The following MYO3B variants were observed in gnomAD, a reference collection of about 807,000 sequenced individuals.
The protein encoded by MYO3B is myosin IIIB.
Under a neutral mutation model 174.6 loss-of-function variants are expected in MYO3B, and 156 were observed. That is an observed-to-expected ratio of 0.89 (90% CI 0.78 to 1.02). MYO3B has a LOEUF of 1.02. MYO3B is among the 50% of genes least tolerant of loss of function. The pLI is 0.00. For missense variants in MYO3B, 1,632 were observed against 1,639.4 expected (o/e 1.00, Z 0.08); for synonymous variants, 563 against 569.1 (o/e 0.99, Z 0.15).
At chr2:170,439,222 AT>A (rs1428784982) in intron 22 of MYO3B, among the ~76,000 whole-genome samples, 1 of 151,674 alleles carries the variant, frequency 6.6e-6, no homozygotes, top group Admixed American at 6.6e-5. Context: ...AATACAAAAA[AT>A]TAGACGGGCA....
At chr2:170,385,606 C>T (rs943721187) in intron 12 of MYO3B, among the ~76,000 whole-genome samples, 6 of 152,230 alleles carry the variant, frequency 3.9e-5, no homozygotes, top group East Asian at 3.9e-4. Context: ...GCAAACAATA[C>T]GGACAGGTCA....
intron 32 of MYO3B, among the ~76,000 whole-genome samples, chr2:170,612,498 A>G (rs931974061): frequency 1.1e-4 from 16 of 152,136 alleles, no homozygotes; most frequent in South Asian, 2.1e-4. Flanking sequence ...GCTAAACTCC[A>G]TAAGGGCAGA....
At chr2:170,576,411 T>G (rs953528106) in intron 32 of MYO3B, among the ~76,000 whole-genome samples, 4 of 152,174 alleles carry the variant, frequency 2.6e-5, no homozygotes, top group Admixed American at 6.5e-5. Flanking sequence ...AGAATGAAGA[T>G]CTGTTGCTGT....
At chr2:170,217,957 G>C (rs974078988) in intron 6 of MYO3B, among the ~76,000 whole-genome samples, 1 of 152,218 alleles carries the variant, frequency 6.6e-6, no homozygotes, top group Non-Finnish European at 1.5e-5. Flanking sequence ...GAACCTTCCA[G>C]CTAGATGAGT....
At chr2:170,227,855 A>G (rs921620401) in intron 6 of MYO3B, among the ~76,000 whole-genome samples, 7 of 152,130 alleles carry the variant, frequency 4.6e-5, no homozygotes, top group African/African-American at 1.7e-4. Flanking sequence ...CTTCAGTTCT[A>G]TCCCCTACTA....
intron 32 of MYO3B, among the ~76,000 whole-genome samples, chr2:170,629,511 C>CT (rs1391202215): frequency 6.6e-6 from 1 of 151,996 alleles, no homozygotes; most frequent in African/African-American, 2.4e-5. Context: ...CTTGTAATAC[C>CT]TTTTTTATAT....
chr2:170,216,943 G>T (rs73027111), intron 5 of MYO3B, among the ~76,000 whole-genome samples: 2,351 of 151,878 alleles, frequency 0.015, 65 homozygotes, highest in African/African-American at 0.054. Flanking sequence ...CAGAGTTGTA[G>T]TTTGGCAACT....
At chr2:170,586,300 A>G (rs1693494163) in intron 32 of MYO3B, among the ~76,000 whole-genome samples, 5 of 152,166 alleles carry the variant, frequency 3.3e-5, no homozygotes, top group Admixed American at 6.5e-5. Context: ...CACAGGTCCA[A>G]TCATTTTGCA....
chr2:170,236,921 C>T (rs1376646760), intron 7 of MYO3B, among the ~76,000 whole-genome samples: 2 of 152,236 alleles, frequency 1.3e-5, no homozygotes, highest in Non-Finnish European at 2.9e-5. Flanking sequence ...CTTATCTGCA[C>T]AATCACACAG....
chr2:170,522,661 C>A (rs933620818), intron 30 of MYO3B, among the ~76,000 whole-genome samples: 2 of 152,222 alleles, frequency 1.3e-5, no homozygotes, highest in Non-Finnish European at 2.9e-5. Flanking sequence ...CCTCCAGGCT[C>A]ACCTCCACCT....
chr2:170,420,066 C>G (rs1389056070), intron 22 of MYO3B, among the ~76,000 whole-genome samples: 1 of 151,924 alleles, frequency 6.6e-6, no homozygotes, highest in Non-Finnish European at 1.5e-5. Flanking sequence ...GCCTGTAGTC[C>G]CAGCTACTCG....
intron 3 of MYO3B, among the ~76,000 whole-genome samples, chr2:170,207,561 C>G (rs1279588038): frequency 6.6e-6 from 1 of 151,358 alleles, no homozygotes; most frequent in Non-Finnish European, 1.5e-5. Context: ...GCCAACCAGT[C>G]TAAGGTTTGG....
At position 170,568,779 on chromosome 2, in the gene MYO3B, T is replaced by C. The variant is rs531961475; in HGVS notation, c.3733+24791T>C. On this transcript the variant is annotated intron_variant, in intron 32 of 34. Coordinates refer to ENST00000408978, the MANE Select transcript of MYO3B (RefSeq NM_138995.5). ...TGCGTGAACTGTGGGTTTAGATGTT[T>C]AGATATTTAGATTCCAGAGTGCAGT... Among the ~76,000 whole-genome samples, 105 of 152,358 alleles carry C rather than the reference T, an allele frequency of 6.9e-4. 1 individual carries two copies. The highest frequency in any genetic ancestry group is 2.4e-3 in the African/African-American group (100 of 41,590).
At chr2:170,213,947 T>C (rs2092800407) in intron 3 of MYO3B, among the ~76,000 whole-genome samples, 2 of 152,198 alleles carry the variant, frequency 1.3e-5, no homozygotes, top group African/African-American at 4.8e-5. Flanking sequence ...GGCATCCATC[T>C]TGCCTCTCCC....
chr2:170,432,518 A>G (rs2094717449), intron 22 of MYO3B, among the ~76,000 whole-genome samples: 2 of 152,084 alleles, frequency 1.3e-5, no homozygotes, highest in South Asian at 4.1e-4. Context: ...TAATATTTTA[A>G]AAGTTTGTGA....
At chr2:170,358,775 G>C (rs2094140863) in intron 8 of MYO3B, among the ~76,000 whole-genome samples, 1 of 152,184 alleles carries the variant, frequency 6.6e-6, no homozygotes, top group South Asian at 2.1e-4. Context: ...TCCAAGAATA[G>C]GGACGGCCTT....
intron 22 of MYO3B, among the ~76,000 whole-genome samples, chr2:170,414,109 A>C (rs912311799): frequency 2.0e-5 from 3 of 152,164 alleles, no homozygotes; most frequent in Non-Finnish European, 4.4e-5. Flanking sequence ...TCAAAAATCA[A>C]TTGGTTATTA....
intron 23 of MYO3B, among the ~76,000 whole-genome samples, chr2:170,444,306 C>A (rs1309288915): frequency 2.6e-5 from 4 of 152,222 alleles, no homozygotes; most frequent in Admixed American, 6.5e-5. Flanking sequence ...TAAAGCATTT[C>A]TCTGACACTA....
intron 6 of MYO3B, among the ~76,000 whole-genome samples, chr2:170,233,566 A>T (rs989501685): frequency 5.3e-5 from 8 of 152,326 alleles, no homozygotes; most frequent in South Asian, 2.1e-4. Context: ...TTTGGTTCTG[A>T]AACTGGAATT....
Sources: allele counts gnomAD v4.1 joint callset (sites outside exome capture counted in the v4.1 genomes callset), GRCh38; gene constraint gnomAD v4.1.1; transcripts MANE v1.5; gene names NCBI Gene and HGNC (gene_info 2026-07-23, HGNC 2026-07-21).